SRRM2: variants seen among roughly 807,000 people sequenced by gnomAD.
SRRM2 encodes serine/arginine repetitive matrix 2.
A neutral mutation model predicts 213.8 loss-of-function variants in SRRM2; 30 were observed. The observed-to-expected ratio is 0.14, with a 90% CI of 0.10 to 0.19. The LOEUF (loss-of-function observed/expected upper bound fraction) is 0.19, where lower values mean the gene tolerates loss of function less well. Ranked by LOEUF, SRRM2 falls within the 10% of genes least tolerant of loss-of-function variation. SRRM2 has a pLI of 1.00. For missense variants in SRRM2, 4,904 were observed against 3,647.0 expected, an observed-to-expected ratio of 1.34 and a Z score of -8.88; for synonymous variants, 2,025 against 1,377.7, an observed-to-expected ratio of 1.47 and a Z score of -10.40.
At chr16:2,757,301 G>C (rs953504880) in intron 2 of SRRM2, among the ~76,000 whole-genome samples, 171 bp from the exon 3 acceptor site, 6 of 152,092 alleles carry the variant, frequency 3.9e-5, no homozygotes, top group African/African-American at 1.4e-4. Context: ...GTAGTAAGTA[G>C]AGGGAAGAAA....
intron 1 of SRRM2, among the ~76,000 whole-genome samples, chr16:2,754,475 A>G (rs2068071265): frequency 6.6e-6 from 1 of 152,248 alleles, no homozygotes; most frequent in Admixed American, 6.5e-5. Flanking sequence ...TATTTTTGGT[A>G]GAGATGGAGT....
Position 2,762,825 on chromosome 16 carries a change from G to C in SRRM2, c.2297G>C (p.Arg766Pro). ...CGGAGCAGGTCTCTCTCTTCACCAC[G>C]GTCCAAAGCAAAATCTCGCTTGTCT... ...SRRSRSLSSP[R>P]SKAKSRLSLR... The change falls in exon 11 of 15, where the codon CGG becomes CCG. Residue 766 changes from arginine to proline, a missense_variant. Coordinates refer to ENST00000301740, the MANE Select transcript of SRRM2 (RefSeq NM_016333.4). 6.2e-7 allele frequency: 1 copy of C among 1,614,060 alleles called. No homozygotes were observed. Among genetic ancestry groups the C allele is most frequent in the African/African-American group, 1.3e-5 (1 of 74,998 alleles).
At position 2,759,146 on chromosome 16, in the gene SRRM2, A is replaced by G. The variant is rs1567222784; in HGVS notation, c.663A>G (p.Glu221=). The G allele has an allele frequency of 1.2e-6, 2 of 1,614,196 alleles. No individual in the cohort carries two copies. The highest frequency in any genetic ancestry group is 2.2e-5 in the East Asian group (1 of 44,886). Reference sequence around the variant, plus strand: ...CTTCTCTTTTTTCCAACAGGTCAGAATCTGAGTCCAAGAAACGTAAGCATA... The same window carrying G: ...CTTCTCTTTTTTCCAACAGGTCAGAGTCTGAGTCCAAGAAACGTAAGCATA... ...KSSKKKKHRS[E]SESKKRKHRS... Residue 221 remains glutamate, a synonymous_variant, in exon 7 of 15, where the codon GAA becomes GAG. Coordinates refer to ENST00000301740, the MANE Select transcript of SRRM2 (RefSeq NM_016333.4).
chr16:2,766,739 TCTC>T lies in SRRM2; in HGVS notation c.6216_6218del (p.Pro2073del), dbSNP rs772860492. The T allele has an allele frequency of 1.8e-5, 29 of 1,613,956 alleles. No individual in the cohort carries two copies. Among genetic ancestry groups the T allele is most frequent in the South Asian group, 7.7e-5 (7 of 91,068 alleles). ...TCGGGGTAAACGGTCCTTAACAAGATCTCCTCCAGCCATCCGCAGGCGTTCTGC... is the reference window on the plus strand; with the variant it reads ...TCGGGGTAAACGGTCCTTAACAAGATCTCCAGCCATCCGCAGGCGTTCTGC... On this transcript the variant is annotated inframe_deletion, in exon 11 of 15. Transcript: ENST00000301740. The surrounding 1 kb of genome is among the most constrained non-coding windows in gnomAD (Gnocchi z 7.0).
chr16:2,758,941 A>C, intron 5 of SRRM2, 44 bp from the exon 6 acceptor site: 1 of 1,612,018 alleles, frequency 6.2e-7, no homozygotes, highest in Non-Finnish European at 8.5e-7. Flanking sequence ...GAGGGCCAGG[A>C]AAGAAGCCAA....
chr16:2,756,808 A>G (rs561641771), intron 2 of SRRM2, among the ~76,000 whole-genome samples: 3 of 152,252 alleles, frequency 2.0e-5, no homozygotes, highest in East Asian at 1.9e-4. Context: ...TGTCTGGGGC[A>G]TAGATGGGAG....
rs746356630 is a variant in SRRM2 at position 2,766,608 on chromosome 16, G to A, written c.6080G>A (p.Arg2027Gln). 7.4e-6 allele frequency: 12 copies of A among 1,613,624 alleles called. No individual in the cohort carries two copies. In the Admixed American group the frequency reaches 1.3e-4, roughly 18 times the overall value. ...RSRSRTPPAI[R>Q]RRSRSRTPLL... Reference sequence around the variant, plus strand: ...AGGTCCCGGACACCTCCAGCTATTCGGCGCCGCTCTAGATCTCGAACGCCA... The same window carrying A: ...AGGTCCCGGACACCTCCAGCTATTCAGCGCCGCTCTAGATCTCGAACGCCA... The change falls in exon 11 of 15, where the codon CGG becomes CAG. Residue 2027 changes from arginine to glutamine, a missense_variant. Physicochemically the swap from Arg to Gln is conservative, Grantham distance 43. Transcript: ENST00000301740. This position sits in a 1 kb window ranked among gnomAD's most constrained non-coding sequence, Gnocchi z 7.0.
intron 10 of SRRM2, among the ~76,000 whole-genome samples, 166 bp from the exon 11 acceptor site, chr16:2,761,395 A>G (rs1410397307): frequency 6.6e-6 from 1 of 152,150 alleles, no homozygotes; most frequent in Non-Finnish European, 1.5e-5. Context: ...ATATGTTTTC[A>G]CCACTGTGCT....
At position 2,760,516 on chromosome 16, in the gene SRRM2, G is replaced by A. The variant is rs774643252; in HGVS notation, c.1032+17G>A. ...AAGAAGGAGGTATGTTCCTGAGTTGGTGATGTTCATTGGATTGCAAATGTA... is the reference window on the plus strand; with the variant it reads ...AAGAAGGAGGTATGTTCCTGAGTTGATGATGTTCATTGGATTGCAAATGTA... On this transcript the variant is annotated intron_variant, in intron 10 of 14. Coordinates refer to ENST00000301740, the MANE Select transcript of SRRM2 (RefSeq NM_016333.4). 2.5e-6 allele frequency: 4 copies of A among 1,613,862 alleles called. No individual in the cohort carries two copies. The highest frequency in any genetic ancestry group is 1.1e-5 in the South Asian group (1 of 91,030).
In SRRM2 at chr16:2,762,940, T is replaced by A; in HGVS notation, c.2412T>A (p.Pro804=). 6.2e-7 allele frequency: 1 copy of A among 1,610,326 alleles called. No homozygotes were observed. The highest frequency in any genetic ancestry group is 8.5e-7 in the Non-Finnish European group (1 of 1,176,846). The change falls in exon 11 of 15, where the codon CCT becomes CCA. Residue 804 remains proline (P), a synonymous_variant. Coordinates refer to ENST00000301740, the MANE Select transcript of SRRM2 (RefSeq NM_016333.4). ...PRRSRSGSSQ[P]KAKSRTPPRR... ...GCAGTCGCTCTGGATCCTCCCAACC[T>A]AAAGCTAAATCTAGAACGCCACCCA... is the stretch of plus-strand genomic sequence containing the variant.
chr16:2,762,201 G>C lies in SRRM2; in HGVS notation c.1673G>C (p.Arg558Thr). The C allele has an allele frequency of 6.2e-7, 1 of 1,614,154 alleles. No individual in the cohort carries two copies. The highest frequency in any genetic ancestry group is 1.1e-5 in the South Asian group (1 of 91,084). The change falls in exon 11 of 15, where the codon AGG becomes ACG. Residue 558 changes from arginine (R) to threonine (T), a missense_variant. Arg to Thr is a moderately conservative substitution (Grantham distance 71). Transcript: ENST00000301740. ...TQRRGRSRSA[R>T]RGRSHSRSPA... ...AGAAGAGGCAGGTCTAGGTCAGCAA[G>C]GCGAGGGAGGTCCCACTCTAGATCC...
chr16:2,764,250 T>A lies in SRRM2; in HGVS notation c.3722T>A (p.Val1241Glu). ...AGCCAAGATGAAGAGTTAATGGAGG[T>A]GGTAGAGAAGTCTGAAGAACCCGCA... is the stretch of plus-strand genomic sequence containing the variant. ...TSSQDEELMEVVEKSEEPAGQ... is the reference protein window; with the variant it reads ...TSSQDEELMEEVEKSEEPAGQ... The change falls in exon 11 of 15, where the codon GTG becomes GAG. Residue 1241 changes from valine (V) to glutamate (E), a missense_variant. Physicochemically the swap from Val to Glu is moderately radical, Grantham distance 121. Coordinates refer to ENST00000301740, the MANE Select transcript of SRRM2 (RefSeq NM_016333.4). 6.2e-7 allele frequency: 1 copy of A among 1,613,688 alleles called. No individual in the cohort carries two copies. Among genetic ancestry groups the A allele is most frequent in the Non-Finnish European group, 8.5e-7 (1 of 1,179,900 alleles).
At position 2,766,020 on chromosome 16, in the gene SRRM2, C is replaced by T; in HGVS notation, c.5492C>T (p.Ser1831Phe). 6.2e-7 allele frequency: 1 copy of T among 1,614,166 alleles called. No homozygotes were observed. The highest frequency in any genetic ancestry group is 1.6e-4 in the Middle Eastern group (1 of 6,062). The change falls in exon 11 of 15, where the codon TCC (serine) becomes TTC (phenylalanine). Residue 1831 changes from serine (S) to phenylalanine (F), a missense_variant. Transcript: ENST00000301740. This position sits in a 1 kb window ranked among gnomAD's most constrained non-coding sequence, Gnocchi z 7.0. Reference sequence around the variant, plus strand: ...AGGTCACCTGCCCGGCAGGAAAGTTCCCGGACCTCCTCTCGACGCCGAAGA... The same window carrying T: ...AGGTCACCTGCCCGGCAGGAAAGTTTCCGGACCTCCTCTCGACGCCGAAGA... ...HSRSPARQES[S>F]RTSSRRRRGR...
Position 2,765,178 on chromosome 16 carries a change from T to C in SRRM2, c.4650T>C (p.Ser1550=), listed in dbSNP as rs774252503. 3.1e-6 allele frequency: 5 copies of C among 1,614,196 alleles called. No homozygotes were observed. The highest frequency in any genetic ancestry group is 3.4e-6 in the Non-Finnish European group (4 of 1,180,030). Residue 1550 remains serine (S), a synonymous_variant, in exon 11 of 15, where the codon AGT becomes AGC. Coordinates refer to ENST00000301740, the MANE Select transcript of SRRM2 (RefSeq NM_016333.4). ...GSSQELDVKP[S]ASPQERSESD... is the part of the protein sequence containing the mutation. ...CTCAAGAACTTGATGTGAAACCCAG[T>C]GCATCCCCTCAGGAAAGAAGTGAGT...
In SRRM2 at chr16:2,763,444, C is replaced by T. The variant is rs202232264; in HGVS notation, c.2916C>T (p.Ser972=). The T allele has an allele frequency of 8.7e-6, 14 of 1,614,232 alleles. No individual in the cohort carries two copies. Among genetic ancestry groups the T allele is most frequent in the Non-Finnish European group, 1.2e-5 (14 of 1,180,044 alleles). ...RLLPRYSHSG[S]SSPDTKVKPE... is the part of the protein sequence containing the mutation. ...TGCCAAGATACAGTCATTCTGGGTC[C>T]TCCTCACCAGATACCAAAGTGAAAC... The change falls in exon 11 of 15, where the codon TCC becomes TCT. Residue 972 remains serine, a synonymous_variant. Coordinates refer to ENST00000301740, the MANE Select transcript of SRRM2 (RefSeq NM_016333.4).
chr16:2,763,337 A>G lies in SRRM2; in HGVS notation c.2809A>G (p.Ser937Gly), dbSNP rs369028762. The G allele has an allele frequency of 7.1e-5, 115 of 1,614,076 alleles. No homozygotes were observed. Among genetic ancestry groups the G allele is most frequent in the African/African-American group, 9.3e-5 (7 of 74,926 alleles). Residue 937 changes from serine (S) to glycine (G), a missense_variant, in exon 11 of 15, where the codon AGT becomes GGT. Physicochemically the swap from Ser to Gly is moderately conservative, Grantham distance 56 (BLOSUM62 0). Coordinates refer to ENST00000301740, the MANE Select transcript of SRRM2 (RefSeq NM_016333.4). The stretch of plus-strand genomic sequence containing the variant: ...AAGCCATTCTGGCTCCTCTTCTCCA[A>G]GTCCTAGTAGGGTGACGTCGAGAAC... ...QRSHSGSSSPSPSRVTSRTTP... is the reference protein window; with the variant it reads ...QRSHSGSSSPGPSRVTSRTTP...
At position 2,766,903 on chromosome 16, in the gene SRRM2, A is replaced by G. The variant is rs897361796; in HGVS notation, c.6375A>G (p.Thr2125=). The change falls in exon 11 of 15, where the codon ACA becomes ACG. Residue 2125 remains threonine (T), a synonymous_variant. Transcript: ENST00000301740. The surrounding 1 kb of genome is among the most constrained non-coding windows in gnomAD (Gnocchi z 7.0). ...TCAGTCGTCCTAGCATGTCCCCAAC[A>G]CCTCTTGATCGCTGCAGATCACCTG... is the stretch of plus-strand genomic sequence containing the variant. ...SCFSRPSMSP[T]PLDRCRSPGM... 1 of 1,613,598 alleles carries G rather than the reference A, an allele frequency of 6.2e-7. No homozygotes were observed.
rs768649396 is a variant in SRRM2 at position 2,768,183 on chromosome 16, C to G, written c.7655C>G (p.Ser2552Cys). The change falls in exon 11 of 15, where the codon TCC becomes TGC. Residue 2552 changes from serine to cysteine, a missense_variant. Ser to Cys is a moderately radical substitution (Grantham distance 112). Coordinates refer to ENST00000301740, the MANE Select transcript of SRRM2 (RefSeq NM_016333.4). ...TCTTCTTCATCATCGTCGTCGTCGT[C>G]CTCCTCCTCCTCTGGCTCCAGTTCT... ...SSSSSSSSSS[S>C]SSSSGSSSSD... is the part of the protein sequence containing the mutation. The G allele has an allele frequency of 6.9e-7, 1 of 1,439,736 alleles. No homozygotes were observed. Among genetic ancestry groups the G allele is most frequent in the Admixed American group, 1.8e-5 (1 of 55,746 alleles). 89.2% of individuals were successfully genotyped at this position (1,439,736 alleles called of 1,614,324 possible).
At position 2,768,060 on chromosome 16, in the gene SRRM2, C is replaced by G. The variant is rs200261518; in HGVS notation, c.7532C>G (p.Ala2511Gly). ...CACTCTGATGTGGGGGAGCCACCTGCCTCTACTGGGGCCCAGCAGCCTTCT... is the reference window on the plus strand; with the variant it reads ...CACTCTGATGTGGGGGAGCCACCTGGCTCTACTGGGGCCCAGCAGCCTTCT... ...VPHSDVGEPP[A>G]STGAQQPSAL... is the part of the protein sequence containing the mutation. Residue 2511 changes from alanine (A) to glycine (G), a missense_variant, in exon 11 of 15, where the codon GCC (alanine) becomes GGC (glycine). Transcript: ENST00000301740. 1.0e-4 allele frequency: 168 copies of G among 1,614,178 alleles called. No homozygotes were observed. In the East Asian group the frequency reaches 3.5e-3, roughly 33 times the overall value.
Sources: gnomAD v4.1 joint callset for allele counts (sites outside exome capture counted in the v4.1 genomes callset) on GRCh38, gnomAD v4.1.1 for gene constraint, Gnocchi (gnomAD v3.1) non-coding constraint, MANE v1.5 for transcripts, NCBI Gene and HGNC (gene_info 2026-07-23, HGNC 2026-07-21) for gene names.